SUGCT: variants seen among roughly 807,000 people sequenced by gnomAD.
SUGCT encodes the protein succinyl-CoA:glutarate-CoA transferase, also known as succinyl-CoA:glutarate CoA-transferase.
In SUGCT, 41 loss-of-function variants were observed where a neutral mutation model predicts 55.0. The ratio of observed to expected loss-of-function variants is 0.74; its 90% CI spans 0.58 to 0.97. The LOEUF (loss-of-function observed/expected upper bound fraction) is 0.97. Ranked by LOEUF, SUGCT falls within the 50% of genes least tolerant of loss-of-function variation. SUGCT has a pLI of 0.00. For missense variants in SUGCT, 568 were observed against 547.8 expected, an observed-to-expected ratio of 1.04 and a Z score of -0.37; for synonymous variants, 187 against 200.4, an observed-to-expected ratio of 0.93 and a Z score of 0.56.
At chr7:40,962,257 G>A in the SUGCT span, among the ~76,000 whole-genome samples, 1 of 152,214 alleles carries the variant, frequency 6.6e-6, no homozygotes, top group East Asian at 1.9e-4. Flanking sequence ...GCACTGGTTG[G>A]TGCATTTACA....
At chr7:41,033,531 A>G in the SUGCT span, among the ~76,000 whole-genome samples, 1 of 152,098 alleles carries the variant, frequency 6.6e-6, no homozygotes, top group East Asian at 1.9e-4. Flanking sequence ...CCAAGTCTTT[A>G]TGGTTTACAA....
intron 13 of SUGCT, among the ~76,000 whole-genome samples, chr7:40,783,941 C>T (rs551868395): frequency 5.9e-5 from 9 of 152,272 alleles, no homozygotes; most frequent in Non-Finnish European, 1.3e-4. Flanking sequence ...CAGTTGAATT[C>T]TGACCTCCTA....
intron 13 of SUGCT, among the ~76,000 whole-genome samples, chr7:40,840,658 A>G (rs1334254493): frequency 1.3e-5 from 2 of 151,698 alleles, no homozygotes; most frequent in Non-Finnish European, 2.9e-5. Flanking sequence ...ACTAGGGGGA[A>G]AAAAAGTAAA....
chr7:40,486,442 T>G (rs1184393576), intron 11 of SUGCT, among the ~76,000 whole-genome samples: 1 of 152,156 alleles, frequency 6.6e-6, no homozygotes, highest in Non-Finnish European at 1.5e-5. Flanking sequence ...GCTTTTTTAT[T>G]TTTATTTTTT....
At chr7:40,330,325 A>G (rs1796239790) in intron 9 of SUGCT, among the ~76,000 whole-genome samples, 1 of 152,188 alleles carries the variant, frequency 6.6e-6, no homozygotes, top group South Asian at 2.1e-4. Context: ...ATGAAGGTGA[A>G]TATAGGGACA....
At chr7:40,514,085 C>T (rs1051906924) in intron 12 of SUGCT, among the ~76,000 whole-genome samples, 23 of 151,690 alleles carry the variant, frequency 1.5e-4, no homozygotes, top group African/African-American at 3.9e-4. Context: ...TCACCGTGCC[C>T]GGCATCAGGG....
intron 12 of SUGCT, 127 bp from the exon 13 acceptor site, chr7:40,749,307 T>A (rs1787888833): frequency 5.3e-6 from 4 of 755,110 alleles, no homozygotes; most frequent in Non-Finnish European, 9.3e-6. Flanking sequence ...CAAATGAAAA[T>A]GTTAAACACT....
the SUGCT span, among the ~76,000 whole-genome samples, chr7:40,897,178 T>G: frequency 1.3e-5 from 2 of 152,132 alleles, no homozygotes. Flanking sequence ...AACTGAACCC[T>G]TATCCCACAC....
At chr7:40,842,412 A>G (rs1793323819) in intron 13 of SUGCT, among the ~76,000 whole-genome samples, 1 of 152,176 alleles carries the variant, frequency 6.6e-6, no homozygotes, top group African/African-American at 2.4e-5. Flanking sequence ...TGCATGGTTC[A>G]TGGAGTCTTA....
intron 12 of SUGCT, among the ~76,000 whole-genome samples, chr7:40,609,098 C>G (rs999136118): frequency 6.6e-6 from 1 of 152,114 alleles, no homozygotes; most frequent in Admixed American, 6.5e-5. Context: ...TATTCTCTTG[C>G]TGTATGTATC....
chr7:40,859,709 G>A (rs961394554), intron 13 of SUGCT, among the ~76,000 whole-genome samples: 4 of 152,208 alleles, frequency 2.6e-5, no homozygotes, highest in African/African-American at 9.7e-5. Context: ...GTGAAGTTCA[G>A]CAATTCATCC....
chr7:40,899,407 A>G, the SUGCT span, among the ~76,000 whole-genome samples: 1 of 152,244 alleles, frequency 6.6e-6, no homozygotes, highest in Non-Finnish European at 1.5e-5. Flanking sequence ...AGGCTGCGCC[A>G]AAGCCTCTTT....
At chr7:40,831,761 G>GT (rs1239313728) in intron 13 of SUGCT, among the ~76,000 whole-genome samples, 1 of 152,186 alleles carries the variant, frequency 6.6e-6, no homozygotes, top group Non-Finnish European at 1.5e-5. Context: ...CTATCTCTGT[G>GT]TGATACTCTT....
chr7:40,879,570 G>A, the SUGCT span, among the ~76,000 whole-genome samples: 3 of 152,124 alleles, frequency 2.0e-5, no homozygotes, highest in Non-Finnish European at 1.5e-5. Context: ...TTGAAATGAG[G>A]CCCAATCATG....
At chr7:40,628,227 G>T (rs1234338280) in intron 12 of SUGCT, among the ~76,000 whole-genome samples, 1 of 152,128 alleles carries the variant, frequency 6.6e-6, no homozygotes, top group Non-Finnish European at 1.5e-5. Flanking sequence ...GGGGTTTTGG[G>T]ACATATCCCC....
the SUGCT span, among the ~76,000 whole-genome samples, chr7:40,943,495 T>C: frequency 7.0e-6 from 1 of 142,712 alleles, no homozygotes; most frequent in East Asian, 2.1e-4. Context: ...GTGTTCTCAT[T>C]GTTCAATTCC....
At chr7:40,610,964 A>C (rs775269495) in intron 12 of SUGCT, among the ~76,000 whole-genome samples, 2 of 152,146 alleles carry the variant, frequency 1.3e-5, no homozygotes, top group Non-Finnish European at 2.9e-5. Context: ...CTGATCCAGA[A>C]CCCACGTCTG....
chr7:40,255,815 G>A (rs181760695), intron 7 of SUGCT, among the ~76,000 whole-genome samples: 1 of 151,988 alleles, frequency 6.6e-6, no homozygotes, highest in Non-Finnish European at 1.5e-5. Context: ...TTGGACCTTG[G>A]TCTTGATCTA....
intron 7 of SUGCT, among the ~76,000 whole-genome samples, chr7:40,265,588 G>A (rs1045393901): frequency 2.2e-4 from 34 of 151,998 alleles, no homozygotes; most frequent in South Asian, 6.2e-4. Flanking sequence ...TTCTTAAATT[G>A]TGTATGTAAG....
Sources: gnomAD v4.1 joint callset for allele counts (sites outside exome capture counted in the v4.1 genomes callset) on GRCh38, gnomAD v4.1.1 for gene constraint, MANE v1.5 for transcripts, NCBI Gene and HGNC (gene_info 2026-07-23, HGNC 2026-07-21) for gene names.